CPS1: variants seen among roughly 807,000 people sequenced by gnomAD.
CPS1 encodes the protein carbamoyl-phosphate synthase 1, also known as carbamoyl-phosphate synthase [ammonia], mitochondrial.
Under a neutral mutation model 174.6 loss-of-function variants are expected in CPS1, and 109 were observed. The ratio of observed to expected loss-of-function variants is 0.62; its 90% confidence interval spans 0.53 to 0.73. The LOEUF (loss-of-function observed/expected upper bound fraction) is 0.73, where lower values mean the gene tolerates loss of function less well. Among genes scored for constraint, CPS1 ranks in the 30% least tolerant of loss-of-function variants. The pLI is 0.00. For synonymous variants in CPS1, 637 were observed against 632.0 expected (o/e 1.01, Z -0.12); for missense variants, 1,689 against 1,821.9 (o/e 0.93, Z 1.33).
At chr2:210,517,589 C>T (rs1574486301) in intron 1 of CPS1, among the ~76,000 whole-genome samples, 2 of 151,996 alleles carry the variant, frequency 1.3e-5, no homozygotes, top group East Asian at 3.9e-4. Flanking sequence ...AATCAGGAGC[C>T]TCCACAGAAC....
intron 17 of CPS1, 93 bp downstream of exon 17, chr2:210,605,339 A>T: frequency 7.3e-7 from 1 of 1,379,118 alleles, no homozygotes; most frequent in Non-Finnish European, 1.0e-6. Context: ...CCTTTAAATT[A>T]CTATTTCTAG....
At chr2:210,592,419 C>T (rs1430969982) in intron 10 of CPS1, among the ~76,000 whole-genome samples, 2 of 151,926 alleles carry the variant, frequency 1.3e-5, no homozygotes, top group Admixed American at 1.3e-4. Flanking sequence ...ACAACTATCT[C>T]ATATATTCAA....
At chr2:210,642,928 T>C (rs1456764543) in intron 25 of CPS1, among the ~76,000 whole-genome samples, 3 of 152,218 alleles carry the variant, frequency 2.0e-5, no homozygotes, top group Non-Finnish European at 2.9e-5. Context: ...TTCAGCTAGA[T>C]TGAAAACTCT....
At chr2:210,508,731 A>G (rs181400583) in intron 1 of CPS1, among the ~76,000 whole-genome samples, 7 of 152,344 alleles carry the variant, frequency 4.6e-5, no homozygotes, top group Admixed American at 2.0e-4. Context: ...ACAAACTACC[A>G]TCAGAGAATA....
At chr2:210,641,584 T>C (rs1373526693) in intron 24 of CPS1, among the ~76,000 whole-genome samples, 1 of 152,202 alleles carries the variant, frequency 6.6e-6, no homozygotes, top group Non-Finnish European at 1.5e-5. Flanking sequence ...AGTTATCTTA[T>C]GGTGAAATAG....
At chr2:210,544,646 C>T (rs150571741) in intron 1 of CPS1, among the ~76,000 whole-genome samples, 4 of 152,094 alleles carry the variant, frequency 2.6e-5, no homozygotes, top group East Asian at 1.9e-4. Flanking sequence ...GAATTTTCCT[C>T]GTACTAGTTT....
Position 210,482,988 on chromosome 2 carries a change from A to G in CPS1, c.3+5222A>G, listed in dbSNP as rs551776310. Among the ~76,000 whole-genome samples the G allele has an allele frequency of 1.1e-4, 16 of 152,318 alleles. No homozygotes were observed. The East Asian group carries it at 2.7e-3, about 26-fold the overall frequency. ...TTAGATCTAGACTAAATATTGATCA[A>G]CCAGAAACTTAAACATATTTTGCGC... On this transcript the variant is annotated intron_variant, in intron 1 of 38. Transcript: ENST00000430249.
intron 1 of CPS1, among the ~76,000 whole-genome samples, chr2:210,561,343 G>A (rs1374894415): frequency 6.6e-6 from 1 of 152,104 alleles, no homozygotes; most frequent in Non-Finnish European, 1.5e-5. Context: ...TAAGCATTCT[G>A]GCTGTAGAAC....
rs1202499434 is a variant in CPS1, at chr2:210,678,868, C to G, written c.*883C>G. On this transcript the variant is annotated 3_prime_UTR_variant, in exon 38 of 38. Coordinates refer to ENST00000233072, the MANE Select transcript of CPS1 (RefSeq NM_001875.5). The stretch of plus-strand genomic sequence containing the variant: ...ATCAGATTTTTGTCATTCACACTCT[C>G]CCCCAGTTTTGGAATAACTTGGAAG... 3 of 152,106 alleles carry G rather than the reference C, an allele frequency of 2.0e-5. No homozygotes were observed. The highest frequency in any genetic ancestry group is 4.4e-5 in the Non-Finnish European group (3 of 68,052). The allele number at this position is 152,106 out of a possible 1,614,324, so 9.4% of individuals were successfully genotyped here.
chr2:210,668,674 G>C (rs1401839449), intron 34 of CPS1, among the ~76,000 whole-genome samples: 1 of 152,056 alleles, frequency 6.6e-6, no homozygotes, highest in Admixed American at 6.6e-5. Flanking sequence ...TGTTTCTCTT[G>C]ATATTTCTCT....
upstream of CPS1, chr2:210,556,444 C>G: frequency 4.3e-6 from 3 of 693,120 alleles, no homozygotes; most frequent in Admixed American, 2.2e-5. Flanking sequence ...TTTCTACAAC[C>G]CCAGCATTAT....
At chr2:210,556,592 G>T (rs1696919748), upstream of CPS1, 1 of 1,490,574 alleles carries the variant, frequency 6.7e-7, no homozygotes, top group Admixed American at 2.4e-5. Flanking sequence ...AGAATGAATG[G>T]AAATTCAAAG....
At chr2:210,599,246 T>A (rs1363407110) in intron 13 of CPS1, 126 bp from the exon 14 acceptor site, 1 of 793,320 alleles carries the variant, frequency 1.3e-6, no homozygotes, top group Non-Finnish European at 2.2e-6. Context: ...TCACTAGTCC[T>A]GTTACGGATC....
chr2:210,581,396 AC>A, intron 5 of CPS1, among the ~76,000 whole-genome samples: 1 of 152,176 alleles, frequency 6.6e-6, no homozygotes, highest in East Asian at 1.9e-4. Context: ...CACAGACAAA[AC>A]AGTATTGCCT....
At chr2:210,632,088 C>A (rs1351992569) in intron 21 of CPS1, among the ~76,000 whole-genome samples, 4 of 151,996 alleles carry the variant, frequency 2.6e-5, no homozygotes, top group Non-Finnish European at 5.9e-5. Flanking sequence ...AGTAATTATT[C>A]TGTTTTGAGT....
At chr2:210,564,888 G>A (rs995307637) in intron 1 of CPS1, among the ~76,000 whole-genome samples, 3 of 151,898 alleles carry the variant, frequency 2.0e-5, no homozygotes, top group Non-Finnish European at 2.9e-5. Context: ...TCAGCTACTC[G>A]GGAGGCTGAA....
chr2:210,512,739 TATATATATATATATA>T (rs1695533335), intron 1 of CPS1, among the ~76,000 whole-genome samples: 1 of 2,452 alleles, frequency 4.1e-4, no homozygotes, highest in Non-Finnish European at 2.0e-3. Context: ...AGTAGTTTTA[TATATATATATATATA>T]TATATATATA....
chr2:210,486,842 T>A (rs796791026), intron 1 of CPS1, among the ~76,000 whole-genome samples: 45 of 152,214 alleles, frequency 3.0e-4, no homozygotes, highest in African/African-American at 9.6e-4. Flanking sequence ...GGTCAACTTC[T>A]CCTTTGCTCA....
chr2:210,664,496 C>A (rs955082499), intron 33 of CPS1, among the ~76,000 whole-genome samples: 1 of 152,024 alleles, frequency 6.6e-6, no homozygotes. Context: ...TGCACCACCA[C>A]GCCCGGCTAA....
Sources: allele counts gnomAD v4.1 joint callset (sites outside exome capture counted in the v4.1 genomes callset), GRCh38; gene constraint gnomAD v4.1.1; transcripts MANE v1.5; gene names NCBI Gene and HGNC (gene_info 2026-07-23, HGNC 2026-07-21).